OAS2: variants seen among roughly 807,000 people sequenced by gnomAD.
The protein encoded by OAS2 is 2'-5'-oligoadenylate synthetase 2, also known as 2'-5'-oligoadenylate synthase 2.
Under a neutral mutation model 71.3 loss-of-function variants are expected in OAS2, and 67 were observed. That is an observed-to-expected ratio of 0.94 (90% CI 0.77 to 1.15). The LOEUF (loss-of-function observed/expected upper bound fraction) is 1.15, where lower values mean the gene tolerates loss of function less well. Among genes scored for constraint, OAS2 ranks in the 50% most tolerant of loss-of-function variants. The probability of loss-of-function intolerance (pLI) is 0.00; values close to 1 mark genes in which losing one functional copy is unlikely to be tolerated. For synonymous variants in OAS2, 327 were observed against 321.8 expected, an observed-to-expected ratio of 1.02 and a Z score of -0.17; for missense variants, 789 against 822.5, an observed-to-expected ratio of 0.96 and a Z score of 0.50.
In OAS2 at chr12:113,005,083, G is replaced by A. The variant is rs1471187087; in HGVS notation, c.1329G>A (p.Trp443Ter). 5 of 1,614,176 alleles carry A rather than the reference G, an allele frequency of 3.1e-6. No individual in the cohort carries two copies. In the South Asian group the frequency reaches 5.5e-5, roughly 18 times the overall value. The change falls in exon 7 of 10, where the codon TGG becomes TGA. Residue 443 changes from tryptophan to a stop codon, truncating the protein, a stop_gained. Coordinates refer to ENST00000392583, the MANE Select transcript of OAS2 (RefSeq NM_002535.3). LOFTEE classifies it high-confidence loss of function. ...TCCATGAACAGCTGAAAGCCTTTTGGAGGGAGAAGGAGGAGGAGCTTGAAG... is the reference window on the plus strand; with the variant it reads ...TCCATGAACAGCTGAAAGCCTTTTGAAGGGAGAAGGAGGAGGAGCTTGAAG... ...KEIHEQLKAFWREKEEELEVS... is the reference protein window; with the variant it reads ...KEIHEQLKAF
At chr12:113,006,644 C>T in intron 8 of OAS2, 44 bp downstream of exon 8, 2 of 1,461,830 alleles carry the variant, frequency 1.4e-6, no homozygotes, top group Non-Finnish European at 1.8e-6. Flanking sequence ...TTATTTTTAC[C>T]AGTAAGCCAT....
intron 1 of OAS2, among the ~76,000 whole-genome samples, chr12:112,982,061 A>G (rs571179397): frequency 6.6e-6 from 1 of 151,488 alleles, no homozygotes; most frequent in South Asian, 2.1e-4. Context: ...TGGTATGTTG[A>G]TTTTGGTATT....
At chr12:112,995,852 G>A (rs2044228743) in intron 3 of OAS2, among the ~76,000 whole-genome samples, 2 of 152,214 alleles carry the variant, frequency 1.3e-5, no homozygotes, top group Admixed American at 6.5e-5. Flanking sequence ...TGCCCAGGCT[G>A]GAGTGCAGTG....
intron 3 of OAS2, among the ~76,000 whole-genome samples, chr12:112,997,278 C>T (rs2044241715): frequency 6.6e-6 from 1 of 152,092 alleles, no homozygotes; most frequent in South Asian, 2.1e-4. Context: ...CCAGATTTTC[C>T]TTTATTTTCA....
At chr12:112,998,489 A>C in intron 5 of OAS2, 79 bp downstream of exon 5, 3 of 1,489,050 alleles carry the variant, frequency 2.0e-6, no homozygotes, top group Non-Finnish European at 2.7e-6. Context: ...CTTATCTGAG[A>C]GTACTCTATA....
intron 5 of OAS2, among the ~76,000 whole-genome samples, chr12:113,000,537 C>CAG (rs2044273936): frequency 6.9e-6 from 1 of 145,508 alleles, no homozygotes; most frequent in Admixed American, 6.8e-5. Context: ...CACACTCACA[C>CAG]ATGCACACAC....
chr12:113,007,614 C>A, intron 8 of OAS2, 91 bp from the exon 9 acceptor site: 1 of 1,028,290 alleles, frequency 9.7e-7, no homozygotes, highest in Non-Finnish European at 1.5e-6. Flanking sequence ...CAGCACGACA[C>A]TGTGACTCAG....
intron 5 of OAS2, among the ~76,000 whole-genome samples, chr12:113,000,562 T>TGCACACAC (rs547811560): frequency 3.4e-5 from 5 of 145,522 alleles, no homozygotes; most frequent in East Asian, 4.1e-4. Context: ...ACTCACACCA[T>TGCACACAC]GCACACACGC....
chr12:112,988,697 C>A, intron 2 of OAS2: 1 of 985,432 alleles, frequency 1.0e-6, no homozygotes, highest in Non-Finnish European at 1.2e-6. Flanking sequence ...CTTAGAATTT[C>A]TTATCAACGA....
At position 112,978,898 on chromosome 12, in the gene OAS2, G is replaced by A. The variant is rs764933851; in HGVS notation, c.177+113G>A. 5 of 1,030,748 alleles carry A rather than the reference G, an allele frequency of 4.9e-6. No homozygotes were observed. The highest frequency in any genetic ancestry group is 3.2e-5 in the African/African-American group (2 of 61,806). 63.9% of individuals were successfully genotyped at this position (1,030,748 alleles called of 1,614,324 possible). A position where few individuals can be genotyped will look rare whatever the true frequency, so the allele number is the denominator to read the frequency against. On this transcript the variant is annotated intron_variant, in intron 1 of 9. Transcript: ENST00000392583. This position sits in a 1 kb window ranked among gnomAD's most constrained non-coding sequence, Gnocchi z 4.2. ...TATGTGCGAGGCCCACACTTGGGTG[G>A]GATGTGGTGTAGGAGTCTCAGGCTC...
chr12:112,978,520 G>T lies in OAS2; in HGVS notation c.-89G>T. The T allele has an allele frequency of 6.9e-7, 1 of 1,440,280 alleles. No homozygotes were observed. The highest frequency in any genetic ancestry group is 9.7e-7 in the Non-Finnish European group (1 of 1,032,370). 89.2% of individuals were successfully genotyped at this position (1,440,280 alleles called of 1,614,324 possible). On this transcript the variant is annotated 5_prime_UTR_variant, in exon 1 of 10. Coordinates refer to ENST00000392583, the MANE Select transcript of OAS2 (RefSeq NM_002535.3). This position sits in a 1 kb window ranked among gnomAD's most constrained non-coding sequence, Gnocchi z 4.2. Reference sequence around the variant, plus strand: ...GGTGGAGAGAGGCCTCTAGACTTCAGTTTCAGTTTCCTGGCTCTGGGCAGC... The same window carrying T: ...GGTGGAGAGAGGCCTCTAGACTTCATTTTCAGTTTCCTGGCTCTGGGCAGC...
intron 3 of OAS2, among the ~76,000 whole-genome samples, chr12:112,996,363 G>A (rs564034170): frequency 1.3e-5 from 2 of 152,254 alleles, no homozygotes; most frequent in South Asian, 4.1e-4. Flanking sequence ...ATATATGAAT[G>A]TTGTGTACAT....
chr12:113,010,539 C>A lies in OAS2; in HGVS notation c.*1284C>A, dbSNP rs544037315. The A allele has an allele frequency of 6.3e-7, 1 of 1,593,080 alleles. No individual in the cohort carries two copies. Among genetic ancestry groups the A allele is most frequent in the Admixed American group, 1.7e-5 (1 of 57,410 alleles). Reference sequence around the variant, plus strand: ...CGGCTCACCGTGAGAAAGAGTCACTCACATCCATTCTTCCCTTGATGGTCC... The same window carrying A: ...CGGCTCACCGTGAGAAAGAGTCACTAACATCCATTCTTCCCTTGATGGTCC... On this transcript the variant is annotated 3_prime_UTR_variant, in exon 10 of 10. Coordinates refer to ENST00000392583, the MANE Select transcript of OAS2 (RefSeq NM_002535.3).
intron 7 of OAS2, among the ~76,000 whole-genome samples, chr12:113,005,925 A>ATC (rs2044329928): frequency 1.2e-5 from 1 of 82,262 alleles, no homozygotes; most frequent in Non-Finnish European, 2.4e-5. Context: ...CAACAAAAAA[A>ATC]AAAAAAAAAA....
chr12:113,001,389 CAT>C (rs143020646), intron 5 of OAS2, among the ~76,000 whole-genome samples: 1 of 148,126 alleles, frequency 6.8e-6, no homozygotes, highest in Non-Finnish European at 1.5e-5. Context: ...CACATATACA[CAT>C]ATATATACAC....
At chr12:112,988,635 A>AC in intron 2 of OAS2, 3 of 985,334 alleles carry the variant, frequency 3.0e-6, no homozygotes, top group Non-Finnish European at 3.6e-6. Context: ...CAGCACCAAT[A>AC]CCCCCTACCT....
chr12:112,978,588 G>A lies in OAS2; in HGVS notation c.-21G>A. 3 of 1,613,306 alleles carry A rather than the reference G, an allele frequency of 1.9e-6. No individual in the cohort carries two copies. The highest frequency in any genetic ancestry group is 2.5e-6 in the Non-Finnish European group (3 of 1,179,604). ...CTCCCATCCTACCATTCACTGTCTT[G>A]CCGGCAGCCAGCTGAGAGCAATGGG... On this transcript the variant is annotated 5_prime_UTR_variant, in exon 1 of 10. Transcript: ENST00000392583. The surrounding 1 kb of genome is among the most constrained non-coding windows in gnomAD (Gnocchi z 4.2).
chr12:113,006,373 T>C (rs753562049), intron 7 of OAS2, 40 bp from the exon 8 acceptor site: 3 of 1,443,004 alleles, frequency 2.1e-6, no homozygotes, highest in Admixed American at 2.2e-5. Context: ...TTACTTACTA[T>C]GTGTATTAAA....
At chr12:112,996,541 C>T (rs1280428882) in intron 3 of OAS2, among the ~76,000 whole-genome samples, 1 of 152,066 alleles carries the variant, frequency 6.6e-6, no homozygotes, top group African/African-American at 2.4e-5. Flanking sequence ...CCCAGCGCAG[C>T]AAAGCCAAAC....
Sources: gnomAD v4.1 joint callset for allele counts (sites outside exome capture counted in the v4.1 genomes callset) on GRCh38, gnomAD v4.1.1 for gene constraint, Gnocchi (gnomAD v3.1) non-coding constraint, MANE v1.5 for transcripts, NCBI Gene and HGNC (gene_info 2026-07-23, HGNC 2026-07-21) for gene names.